The following ID4 variants were observed in gnomAD, a reference collection of about 807,000 sequenced individuals.
The protein encoded by ID4 is DNA-binding protein inhibitor ID-4.
ID4 carries 9 observed loss-of-function variants against 8.6 expected under a neutral mutation model. The ratio of observed to expected loss-of-function variants is 1.04; its 90% CI spans 0.63 to 1.82. ID4 has a LOEUF of 1.82. Ranked by LOEUF, ID4 falls within the 40% of genes most tolerant of loss-of-function variation. The probability of loss-of-function intolerance (pLI) is 0.00; values close to 1 mark genes in which losing one functional copy is unlikely to be tolerated. For missense variants in ID4, 270 were observed against 235.1 expected (o/e 1.15, Z -0.97); for synonymous variants, 180 against 118.0 (o/e 1.53, Z -3.41).
intron 2 of ID4, 148 bp downstream of exon 2, chr6:19,838,790 C>CTA: frequency 1.5e-6 from 1 of 650,946 alleles, no homozygotes; most frequent in Non-Finnish European, 2.7e-6. Flanking sequence ...TCCCTGCCAC[C>CTA]TAAGTAGCAA....
rs530330170 is a variant in ID4, at chr6:19,839,045, C to T, written c.*15-165C>T. ...GTCCCCTCTCCGGGCTTCCCGAGGG[C>T]CGCAGCTGCCTGCTCGGCGCCTGGC... is the stretch of plus-strand genomic sequence containing the variant. On this transcript the variant is annotated intron_variant, in intron 2 of 2. Transcript: ENST00000378700. 363 of 210,142 alleles carry T rather than the reference C, an allele frequency of 1.7e-3. 3 individuals are homozygous for T. The highest frequency in any genetic ancestry group is 3.5e-3 in the South Asian group (39 of 11,194). The allele number at this position is 210,142 out of a possible 1,614,324, so 13.0% of individuals were successfully genotyped here.
Position 19,840,971 on chromosome 6 carries a change from TAA to T in ID4, c.*1779_*1780del, listed in dbSNP as rs1277113563. On this transcript the variant is annotated 3_prime_UTR_variant, in exon 3 of 3. Transcript: ENST00000378700. ...GGATTTGTTTCAGATTATACAAGAA[TAA>T]AAGTATTATAGACCCAAGGGACTTC... 6.6e-6 allele frequency among the ~76,000 whole-genome samples: 1 copy of T among 152,144 alleles called. No homozygotes were observed. Among genetic ancestry groups the T allele is most frequent in the African/African-American group, 2.4e-5 (1 of 41,420 alleles).
rs2113463964 is a variant in ID4, at chr6:19,837,992, C to T, written c.238C>T (p.Pro80Ser). The T allele has an allele frequency of 6.3e-7, 1 of 1,597,258 alleles. No homozygotes were observed. The highest frequency in any genetic ancestry group is 8.5e-7 in the Non-Finnish European group (1 of 1,172,224). Reference sequence around the variant, plus strand: ...CTATAGCCGCCTGCGGAGGCTGGTGCCCACCATCCCGCCCAACAAGAAAGT... The same window carrying T: ...CTATAGCCGCCTGCGGAGGCTGGTGTCCACCATCCCGCCCAACAAGAAAGT... ...DCYSRLRRLV[P>S]TIPPNKKVSK... Residue 80 changes from proline to serine, a missense_variant, in exon 1 of 3, where the codon CCC becomes TCC. By Grantham distance (74) the Pro-to-Ser change is moderately conservative (BLOSUM62 -1). Around this residue, in one of 3 missense-constraint regions of ID4, gnomAD observed 160 missense variants for 131.5 expected, o/e 1.22. Transcript: ENST00000378700.
At chr6:19,838,874 C>T (rs1225224601) in intron 2 of ID4, 4 of 560,202 alleles carry the variant, frequency 7.1e-6, no homozygotes, top group South Asian at 2.1e-5. Context: ...CCCCGCCGTC[C>T]CCGTGTTTTT....
intron 1 of ID4, 116 bp from the exon 2 acceptor site, chr6:19,838,468 A>C (rs1761279253): frequency 7.1e-7 from 1 of 1,399,326 alleles, no homozygotes; most frequent in Non-Finnish European, 1.0e-6. Context: ...CCCCGGCTAC[A>C]GGCTGGGGTG....
rs1761320229 is a variant in ID4 at position 19,839,790 on chromosome 6, TATAAGATATTTTTAA to T, written c.*596_*610del. 6.6e-6 allele frequency: 1 copy of T among 152,360 alleles called. No individual in the cohort carries two copies. Among genetic ancestry groups the T allele is most frequent in the Non-Finnish European group, 1.5e-5 (1 of 68,006 alleles). 9.4% of individuals were successfully genotyped at this position (152,360 alleles called of 1,614,324 possible). A position where few individuals can be genotyped will look rare whatever the true frequency, so the allele number is the denominator to read the frequency against. On this transcript the variant is annotated 3_prime_UTR_variant, in exon 3 of 3. Transcript: ENST00000378700. ...TATATGCTTTAATAGATACTGTAATTATAAGATATTTTTAATTAAATATTTTTTTGTAAATATTAT... is the reference window on the plus strand; with the variant it reads ...TATATGCTTTAATAGATACTGTAATTTTAAATATTTTTTTGTAAATATTAT...
chr6:19,838,991 A>T, intron 2 of ID4: 1 of 251,460 alleles, frequency 4.0e-6, no homozygotes, highest in South Asian at 7.8e-5. Flanking sequence ...TCACCCACAA[A>T]GGGGGACGCG....
chr6:19,838,539 T>C, intron 1 of ID4, 45 bp from the exon 2 acceptor site: 1 of 1,613,630 alleles, frequency 6.2e-7, no homozygotes, highest in Non-Finnish European at 8.5e-7. Flanking sequence ...GAGCGCGTTG[T>C]TTGCGCCTGC....
chr6:19,839,889 A>T lies in ID4; in HGVS notation c.*694A>T, dbSNP rs12663067. Reference sequence around the variant, plus strand: ...CTTTTGGAAAATCATTTTTCAGCTCAATTACAGAGCTCTTGATATCTTGAA... The same window carrying T: ...CTTTTGGAAAATCATTTTTCAGCTCTATTACAGAGCTCTTGATATCTTGAA... On this transcript the variant is annotated 3_prime_UTR_variant, in exon 3 of 3. Transcript: ENST00000378700. 11,162 of 152,152 alleles carry T rather than the reference A, an allele frequency of 0.073. 782 individuals carry two copies. The highest frequency in any genetic ancestry group is 0.27 in the South Asian group (1,300 of 4,820). 9.4% of individuals were successfully genotyped at this position (152,152 alleles called of 1,614,324 possible).
At position 19,838,580 on chromosome 6, in the gene ID4, C is replaced by G. The variant is rs770996959; in HGVS notation, c.442-4C>G. 6 of 1,613,958 alleles carry G rather than the reference C, an allele frequency of 3.7e-6. No homozygotes were observed. Among genetic ancestry groups the G allele is most frequent in the South Asian group, 1.1e-5 (1 of 91,080 alleles). On this transcript the variant is annotated splice_region_variant and splice_polypyrimidine_tract_variant and intron_variant, in intron 1 of 2. Transcript: ENST00000378700. The stretch of plus-strand genomic sequence containing the variant: ...TTTCCCTTGGTGTTCGGTTGCTGTT[C>G]CAGGCCGGCGCGGTGAACAAGCAGG...
chr6:19,838,548 G>A (rs758577530), intron 1 of ID4, 36 bp from the exon 2 acceptor site: 5 of 1,613,762 alleles, frequency 3.1e-6, no homozygotes, highest in East Asian at 4.5e-5. Context: ...GTTTGCGCCT[G>A]CTAACCTTTC....
At position 19,838,496 on chromosome 6, in the gene ID4, G is replaced by T. The variant is rs981136009; in HGVS notation, c.442-88G>T. 11 of 1,567,404 alleles carry T rather than the reference G, an allele frequency of 7.0e-6. No individual in the cohort carries two copies. The South Asian group carries it at 1.0e-4, about 14-fold the overall frequency. ...CTGGGGTGGGGGCGTCGGCGCGCCA[G>T]CCTGATTTCCGAGGACAATCCAGGA... On this transcript the variant is annotated intron_variant, in intron 1 of 2. Coordinates refer to ENST00000378700, the MANE Select transcript of ID4 (RefSeq NM_001546.4).
At chr6:19,838,811 A>T (rs1306679734) in intron 2 of ID4, 169 bp downstream of exon 2, 2 of 602,860 alleles carry the variant, frequency 3.3e-6, no homozygotes, top group Non-Finnish European at 5.8e-6. Flanking sequence ...GTAAACCCGT[A>T]CTTAGCCTTA....
intron 1 of ID4, 129 bp from the exon 2 acceptor site, chr6:19,838,454 GC>G (rs918441303): frequency 1.4e-4 from 177 of 1,273,558 alleles, no homozygotes; most frequent in Admixed American, 2.3e-4. Flanking sequence ...GCCCGGAGGG[GC>G]CCCCCCGGCT....
At chr6:19,838,504 T>C (rs1023741138) in intron 1 of ID4, 80 bp from the exon 2 acceptor site, 7 of 1,587,270 alleles carry the variant, frequency 4.4e-6, no homozygotes, top group Non-Finnish European at 5.2e-6. Flanking sequence ...CAGCCTGATT[T>C]CCGAGGACAA....
chr6:19,838,159 G>T lies in ID4; in HGVS notation c.405G>T (p.Pro135=). The T allele has an allele frequency of 6.6e-7, 1 of 1,514,686 alleles. No individual in the cohort carries two copies. Among genetic ancestry groups the T allele is most frequent in the Admixed American group, 2.1e-5 (1 of 47,130 alleles). The allele number at this position is 1,514,686 out of a possible 1,614,324, so 93.8% of individuals were successfully genotyped here. A position where few individuals can be genotyped will look rare whatever the true frequency, so the allele number is the denominator to read the frequency against. ...CGGCCGGGACCTGTCCAGCCGCGCC[G>T]CCGCGGACCCCGCTCACTGCGCTCA... The part of the protein sequence containing the change: ...HHPAGTCPAA[P]PRTPLTALNT... The change falls in exon 1 of 3, where the codon CCG becomes CCT. Residue 135 remains proline, a synonymous_variant. Coordinates refer to ENST00000378700, the MANE Select transcript of ID4 (RefSeq NM_001546.4).
rs1217261684 is a variant in ID4 at position 19,840,328 on chromosome 6, G to A, written c.*1133G>A. 1 of 152,468 alleles carries A rather than the reference G, an allele frequency of 6.6e-6. No homozygotes were observed. Among genetic ancestry groups the A allele is most frequent in the East Asian group, 1.9e-4 (1 of 5,180 alleles). 9.4% of individuals were successfully genotyped at this position (152,468 alleles called of 1,614,324 possible). ...TCTTCATTTTACACTAAAGCTTAAT[G>A]TCACTAAGTTTCATGTCTGTACAGA... On this transcript the variant is annotated 3_prime_UTR_variant, in exon 3 of 3. Coordinates refer to ENST00000378700, the MANE Select transcript of ID4 (RefSeq NM_001546.4).
Position 19,841,068 on chromosome 6 carries a change from C to A in ID4, c.*1873C>A, listed in dbSNP as rs1352981948. Reference sequence around the variant, plus strand: ...GGTCCCTAGTAGTCAGTTGAAGTGGCAATGTCTAAACAGAAATGAACAAAA... The same window carrying A: ...GGTCCCTAGTAGTCAGTTGAAGTGGAAATGTCTAAACAGAAATGAACAAAA... On this transcript the variant is annotated 3_prime_UTR_variant, in exon 3 of 3. Transcript: ENST00000378700. Among the ~76,000 whole-genome samples the A allele has an allele frequency of 1.3e-5, 2 of 152,066 alleles. No homozygotes were observed. Among genetic ancestry groups the A allele is most frequent in the Admixed American group, 1.3e-4 (2 of 15,276 alleles).
intron 1 of ID4, 73 bp from the exon 2 acceptor site, chr6:19,838,511 A>T: frequency 6.3e-7 from 1 of 1,590,772 alleles, no homozygotes; most frequent in South Asian, 1.1e-5. Context: ...ATTTCCGAGG[A>T]CAATCCAGGA....
Sources: gnomAD v4.1 joint callset for allele counts (sites outside exome capture counted in the v4.1 genomes callset) on GRCh38, gnomAD v4.1.1 for gene constraint, gnomAD v4.1.1 regional missense constraint, MANE v1.5 for transcripts, NCBI Gene and HGNC (gene_info 2026-07-23, HGNC 2026-07-21) for gene names.